The following KLHL6 variants were observed in gnomAD, a reference collection of about 807,000 sequenced individuals.
KLHL6 encodes the protein kelch-like protein 6.
Under a neutral mutation model 58.6 loss-of-function variants are expected in KLHL6, and 41 were observed. The observed-to-expected ratio is 0.70, with a 90% confidence interval of 0.55 to 0.91. The LOEUF is 0.91. Among genes scored for constraint, KLHL6 ranks in the 40% least tolerant of loss-of-function variants. The pLI, the probability that KLHL6 is intolerant of heterozygous loss-of-function variation, is 0.00. For missense variants in KLHL6, 714 were observed against 805.6 expected, an observed-to-expected ratio of 0.89 and a Z score of 1.38; for synonymous variants, 338 against 322.7, an observed-to-expected ratio of 1.05 and a Z score of -0.51.
At chr3:183,496,351 C>T (rs1208837141) in intron 4 of KLHL6, among the ~76,000 whole-genome samples, 1 of 152,078 alleles carries the variant, frequency 6.6e-6, no homozygotes, top group East Asian at 1.9e-4. Context: ...AAATCGTTAG[C>T]AAGGATATAG....
rs1000990672 is a variant in KLHL6 at position 183,504,710 on chromosome 3, C to T, written c.909+3349G>A. On this transcript the variant is annotated intron_variant, in intron 3 of 6. Coordinates refer to ENST00000341319, the MANE Select transcript of KLHL6 (RefSeq NM_130446.4). ...TGTTTTAAAGTGCTATTTATTTTAA[C>T]TTTTAGGTTCAGCATGTGCAGATTT... Among the ~76,000 whole-genome samples, 21 of 152,086 alleles carry T rather than the reference C, an allele frequency of 1.4e-4. 1 individual carries two copies. Among genetic ancestry groups the T allele is most frequent in the Non-Finnish European group, 2.4e-4 (16 of 68,008 alleles).
chr3:183,528,469 G>T, intron 1 of KLHL6, among the ~76,000 whole-genome samples: 1 of 152,214 alleles, frequency 6.6e-6, no homozygotes, highest in East Asian at 1.9e-4. Flanking sequence ...TCCTGTAGCT[G>T]CCTCTCACCC....
chr3:183,540,109 A>G (rs1300299001), intron 1 of KLHL6, among the ~76,000 whole-genome samples: 1 of 152,204 alleles, frequency 6.6e-6, no homozygotes, highest in Non-Finnish European at 1.5e-5. Flanking sequence ...TCCAAGCCCA[A>G]GCCACAATGA....
At chr3:183,549,192 G>T (rs760872101) in intron 1 of KLHL6, among the ~76,000 whole-genome samples, 8 of 152,108 alleles carry the variant, frequency 5.3e-5, no homozygotes, top group Non-Finnish European at 8.8e-5. Context: ...GAGAATAAGT[G>T]CCAAGAAAAA....
At chr3:183,517,224 T>A (rs1711597421) in intron 2 of KLHL6, among the ~76,000 whole-genome samples, 1 of 152,184 alleles carries the variant, frequency 6.6e-6, no homozygotes, top group Admixed American at 6.5e-5. Context: ...AATTGTAAAT[T>A]TTTTGTCAAA....
intron 2 of KLHL6, among the ~76,000 whole-genome samples, chr3:183,514,677 T>A (rs1321203116): frequency 2.0e-5 from 3 of 152,060 alleles, no homozygotes; most frequent in Non-Finnish European, 4.4e-5. Context: ...AATTTAATTT[T>A]TTTTTTTTGA....
Position 183,492,687 on chromosome 3 carries a change from A to T in KLHL6, c.1371T>A (p.His457Gln). 1.2e-6 allele frequency: 2 copies of T among 1,613,648 alleles called. No homozygotes were observed. The highest frequency in any genetic ancestry group is 1.7e-6 in the Non-Finnish European group (2 of 1,180,022). ...GGCTGGTGGCTGCAAAGGAACTGAC[A>T]TGGACAAGGAGGGGTGCGGCCTGTA... ...CWSEAAPLLV[H>Q]VSSFAATSHK... Residue 457 changes from histidine to glutamine, a missense_variant, in exon 6 of 7, where the codon CAT (histidine) becomes CAA (glutamine). By Grantham distance (24) the His-to-Gln change is conservative (BLOSUM62 0). Transcript: ENST00000341319. The surrounding 1 kb of genome is among the most constrained non-coding windows in gnomAD (Gnocchi z 5.9).
Position 183,511,059 on chromosome 3 carries a change from A to T in KLHL6, c.460-2551T>A, listed in dbSNP as rs1718170841. Among the ~76,000 whole-genome samples the T allele has an allele frequency of 2.0e-5, 3 of 152,138 alleles. No homozygotes were observed. The South Asian group carries it at 6.2e-4, about 32-fold the overall frequency. ...CAGGGGACCAGCGCTCAGCATACGG[A>T]GGACCCTCACCGGCACCAGTCTCTG... is the stretch of plus-strand genomic sequence containing the variant. On this transcript the variant is annotated intron_variant, in intron 2 of 6. Coordinates refer to ENST00000341319, the MANE Select transcript of KLHL6 (RefSeq NM_130446.4).
chr3:183,535,777 G>A (rs959238826), intron 1 of KLHL6, among the ~76,000 whole-genome samples: 1 of 151,288 alleles, frequency 6.6e-6, no homozygotes, highest in Middle Eastern at 3.4e-3. Context: ...TGCTAGCCAC[G>A]GCTTCCGAAT....
At chr3:183,507,409 T>C (rs1046636927) in intron 3 of KLHL6, among the ~76,000 whole-genome samples, 1 of 151,630 alleles carries the variant, frequency 6.6e-6, no homozygotes, top group African/African-American at 2.4e-5. Context: ...CACGTTCTTG[T>C]TTTTTTTGTT....
chr3:183,548,553 C>T (rs997725861), intron 1 of KLHL6, among the ~76,000 whole-genome samples: 3 of 152,300 alleles, frequency 2.0e-5, no homozygotes, highest in African/African-American at 7.2e-5. Flanking sequence ...GGACTTTACC[C>T]GCCAGCTACA....
intron 2 of KLHL6, chr3:183,522,820 T>G (rs75504188): frequency 0.021 from 3,216 of 152,292 alleles, 140 homozygotes; most frequent in East Asian, 0.19. Context: ...TGTTTGTTTG[T>G]TTGGTTTTTG....
chr3:183,529,989 G>T (rs1352061726), intron 1 of KLHL6, among the ~76,000 whole-genome samples: 8 of 152,060 alleles, frequency 5.3e-5, no homozygotes, highest in Admixed American at 5.2e-4. Context: ...CGAGAAGGTG[G>T]CCATCTGCAA....
intron 2 of KLHL6, among the ~76,000 whole-genome samples, chr3:183,509,075 C>A (rs766217434): frequency 3.9e-4 from 59 of 152,102 alleles, no homozygotes; most frequent in Admixed American, 1.0e-3. Context: ...TGTTCAGTTT[C>A]TTCAACAAAT....
intron 1 of KLHL6, among the ~76,000 whole-genome samples, chr3:183,543,773 A>C (rs1005178183): frequency 6.6e-6 from 1 of 152,126 alleles, no homozygotes; most frequent in African/African-American, 2.4e-5. Flanking sequence ...TTATATGCAA[A>C]CCTGCTGAGT....
In KLHL6 at chr3:183,514,617, T is replaced by C. The variant is rs530608969; in HGVS notation, c.460-6109A>G. Reference sequence around the variant, plus strand: ...AAGAAGAAGGAAGACATAAATATTATAGCCATGACTCTATCCACACAGGGC... The same window carrying C: ...AAGAAGAAGGAAGACATAAATATTACAGCCATGACTCTATCCACACAGGGC... On this transcript the variant is annotated intron_variant, in intron 2 of 6. Coordinates refer to ENST00000341319, the MANE Select transcript of KLHL6 (RefSeq NM_130446.4). Among the ~76,000 whole-genome samples the C allele has an allele frequency of 6.6e-4, 101 of 152,216 alleles. 1 individual carries two copies. The highest frequency in any genetic ancestry group is 2.4e-3 in the African/African-American group (99 of 41,540).
Position 183,554,876 on chromosome 3 carries a change from T to A in KLHL6, c.293+485A>T, listed in dbSNP as rs886803364. On this transcript the variant is annotated intron_variant, in intron 1 of 6. Transcript: ENST00000341319. ...GTGGCCTAAATCCTAAAATTTAAAGTGTGATAAGCCGGGCGCAGCGTCTCA... is the reference window on the plus strand; with the variant it reads ...GTGGCCTAAATCCTAAAATTTAAAGAGTGATAAGCCGGGCGCAGCGTCTCA... Among the ~76,000 whole-genome samples, 5 of 152,134 alleles carry A rather than the reference T, an allele frequency of 3.3e-5. 1 individual carries two copies. Among genetic ancestry groups the A allele is most frequent in the African/African-American group, 7.2e-5 (3 of 41,420 alleles).
Position 183,488,918 on chromosome 3 carries a change from G to T in KLHL6, c.*3009C>A, listed in dbSNP as rs1275424817. The T allele has an allele frequency of 1.3e-5, 2 of 152,166 alleles. No individual in the cohort carries two copies. Among genetic ancestry groups the T allele is most frequent in the Non-Finnish European group, 2.9e-5 (2 of 68,040 alleles). The allele number at this position is 152,166 out of a possible 1,614,324, so 9.4% of individuals were successfully genotyped here. ...ATTATTAGGAATCCCTATTTCTTGA[G>T]TGTCAGCTACATGACATTTTCCACA... On this transcript the variant is annotated 3_prime_UTR_variant, in exon 7 of 7. Transcript: ENST00000341319.
intron 3 of KLHL6, among the ~76,000 whole-genome samples, chr3:183,503,843 G>A (rs1338957767): frequency 6.6e-6 from 1 of 152,170 alleles, no homozygotes. Context: ...GAGGGTTAAA[G>A]TTTGGTAAAT....
Sources: gnomAD v4.1 joint callset for allele counts (sites outside exome capture counted in the v4.1 genomes callset) on GRCh38, gnomAD v4.1.1 for gene constraint, Gnocchi (gnomAD v3.1) non-coding constraint, MANE v1.5 for transcripts, NCBI Gene and HGNC (gene_info 2026-07-23, HGNC 2026-07-21) for gene names.